Variants in DOCK1 observed in about 807,000 individuals in gnomAD.
DOCK1 encodes the protein dedicator of cytokinesis 1.
Under a neutral mutation model 262.7 loss-of-function variants are expected in DOCK1, and 138 were observed. The observed-to-expected ratio is 0.53, with a 90% CI of 0.46 to 0.61. The LOEUF (loss-of-function observed/expected upper bound fraction) is 0.61. DOCK1 is among the 20% of genes least tolerant of loss of function. DOCK1 has a pLI of 0.00. For missense variants in DOCK1, 1,908 were observed against 2,370.7 expected, an observed-to-expected ratio of 0.80 and a Z score of 4.05; for synonymous variants, 866 against 867.4, an observed-to-expected ratio of 1.00 and a Z score of 0.03.
chr10:127,385,822 C>T (rs1056701405), intron 38 of DOCK1, among the ~76,000 whole-genome samples: 4 of 152,216 alleles, frequency 2.6e-5, no homozygotes, highest in Admixed American at 2.0e-4. Context: ...CCAAGCCCTT[C>T]CTCCGTCATC....
intron 33 of DOCK1, among the ~76,000 whole-genome samples, chr10:127,368,698 C>T (rs914727609): frequency 1.3e-5 from 2 of 152,128 alleles, no homozygotes; most frequent in Admixed American, 6.5e-5. Flanking sequence ...GATGAGCCCT[C>T]TCCTGGCCTT....
intron 2 of DOCK1, among the ~76,000 whole-genome samples, chr10:126,973,309 A>G (rs1224144100): frequency 1.3e-5 from 2 of 151,410 alleles, no homozygotes; most frequent in Non-Finnish European, 1.5e-5. Flanking sequence ...GCTCACTGCA[A>G]CCTCTGCCTC....
At chr10:127,296,714 G>C (rs2061517498) in intron 29 of DOCK1, among the ~76,000 whole-genome samples, 1 of 152,204 alleles carries the variant, frequency 6.6e-6, no homozygotes, top group Non-Finnish European at 1.5e-5. Flanking sequence ...AGGACAATGG[G>C]ATGAGGGAAG....
chr10:127,430,441 G>A (rs1196617270), intron 47 of DOCK1, among the ~76,000 whole-genome samples: 1 of 152,190 alleles, frequency 6.6e-6, no homozygotes, highest in Non-Finnish European at 1.5e-5. Context: ...AGGAGAAGCA[G>A]TGTGGCATGG....
In DOCK1 at chr10:127,361,304, C is replaced by T. The variant is rs147496314; in HGVS notation, c.3284-760C>T. 7.3e-3 allele frequency among the ~76,000 whole-genome samples: 1,106 copies of T among 151,936 alleles called. 15 individuals are homozygous for T. Among genetic ancestry groups the T allele is most frequent in the African/African-American group, 0.025 (1,040 of 41,444 alleles). The stretch of plus-strand genomic sequence containing the variant: ...GATTTTTTTGTATTTTTAGTAGAGA[C>T]GGTGTCTCACCGTGTTAGCCAGGAT... On this transcript the variant is annotated intron_variant, in intron 32 of 51. Transcript: ENST00000623213.
At chr10:127,245,254 A>T (rs1330988560) in intron 27 of DOCK1, among the ~76,000 whole-genome samples, 1 of 152,204 alleles carries the variant, frequency 6.6e-6, no homozygotes, top group Non-Finnish European at 1.5e-5. Flanking sequence ...TTCCTAATGG[A>T]GTTCATGCTT....
chr10:127,340,250 G>T (rs1364455605), intron 30 of DOCK1, among the ~76,000 whole-genome samples: 1 of 152,202 alleles, frequency 6.6e-6, no homozygotes, highest in Non-Finnish European at 1.5e-5. Context: ...CAATATATAT[G>T]TGCTGAATAT....
chr10:127,046,380 CTG>C (rs1242513549), intron 21 of DOCK1, among the ~76,000 whole-genome samples: 1 of 152,156 alleles, frequency 6.6e-6, no homozygotes, highest in African/African-American at 2.4e-5. Flanking sequence ...GAGTGTGACT[CTG>C]AGAGCATCAG....
chr10:127,237,680 G>C (rs1207678022), intron 27 of DOCK1, among the ~76,000 whole-genome samples: 1 of 152,126 alleles, frequency 6.6e-6, no homozygotes, highest in African/African-American at 2.4e-5. Context: ...TTTTGCCCAA[G>C]TTAAAATACC....
chr10:126,951,511 GT>G (rs2036242772), intron 1 of DOCK1, among the ~76,000 whole-genome samples: 2 of 151,666 alleles, frequency 1.3e-5, no homozygotes, highest in Non-Finnish European at 2.9e-5. Context: ...TGGTGGTAAT[GT>G]TGTTTTTGTT....
At chr10:127,124,221 C>A (rs2049800962) in intron 25 of DOCK1, among the ~76,000 whole-genome samples, 1 of 152,132 alleles carries the variant, frequency 6.6e-6, no homozygotes, top group Non-Finnish European at 1.5e-5. Context: ...TTATAGTTTT[C>A]TTATATAAAA....
intron 22 of DOCK1, among the ~76,000 whole-genome samples, chr10:127,056,312 C>T (rs142931173): frequency 6.6e-6 from 1 of 152,308 alleles, no homozygotes; most frequent in East Asian, 1.9e-4. Context: ...TCAAGCCATC[C>T]TCCTGCCTTA....
At chr10:127,402,565 G>C (rs1254355703) in intron 38 of DOCK1, 1 of 480,880 alleles carries the variant, frequency 2.1e-6, no homozygotes, top group South Asian at 1.5e-5. Flanking sequence ...GTTTAGAGTC[G>C]AAGTCTGCCC....
chr10:126,932,359 C>T (rs1447024209), intron 1 of DOCK1, among the ~76,000 whole-genome samples: 3 of 152,164 alleles, frequency 2.0e-5, no homozygotes, highest in Non-Finnish European at 4.4e-5. Flanking sequence ...TAGTAAGACC[C>T]GTGTCTCCAA....
At chr10:127,193,139 A>G (rs1350172415) in intron 27 of DOCK1, among the ~76,000 whole-genome samples, 1 of 152,222 alleles carries the variant, frequency 6.6e-6, no homozygotes. Context: ...TGCTTCATAA[A>G]TCATGCCAGC....
chr10:127,251,258 C>T (rs1220937427), intron 28 of DOCK1, among the ~76,000 whole-genome samples: 1 of 152,060 alleles, frequency 6.6e-6, no homozygotes, highest in African/African-American at 2.4e-5. Flanking sequence ...GGATTACAGG[C>T]ATGAGCCACC....
At chr10:126,933,445 C>A (rs1417974976) in intron 1 of DOCK1, among the ~76,000 whole-genome samples, 8 of 152,142 alleles carry the variant, frequency 5.3e-5, no homozygotes, top group Admixed American at 2.6e-4. Flanking sequence ...GGGTTGCCTC[C>A]TGCCTGTAAA....
chr10:127,217,456 C>T (rs2058262942), intron 27 of DOCK1, among the ~76,000 whole-genome samples: 1 of 152,140 alleles, frequency 6.6e-6, no homozygotes, highest in Admixed American at 6.5e-5. Context: ...CTGGACTTGG[C>T]CAGGAGACCT....
At chr10:127,292,765 G>T (rs1225950387) in intron 29 of DOCK1, among the ~76,000 whole-genome samples, 1 of 152,160 alleles carries the variant, frequency 6.6e-6, no homozygotes, top group Non-Finnish European at 1.5e-5. Flanking sequence ...CGTTCCCGCA[G>T]CTCCACCTGC....
Sources: gnomAD v4.1 joint callset for allele counts (sites outside exome capture counted in the v4.1 genomes callset) on GRCh38, gnomAD v4.1.1 for gene constraint, MANE v1.5 for transcripts, NCBI Gene and HGNC (gene_info 2026-07-23, HGNC 2026-07-21) for gene names.